Variants in HSPA12B observed in about 807,000 individuals in gnomAD.
HSPA12B encodes the protein heat shock protein family A (Hsp70) member 12B, also known as heat shock 70 kDa protein 12B.
Under a neutral mutation model 69.3 loss-of-function variants are expected in HSPA12B, and 54 were observed. The ratio of observed to expected loss-of-function variants is 0.78; its 90% confidence interval spans 0.63 to 0.98. The LOEUF is 0.98. Ranked by LOEUF, HSPA12B falls within the 50% of genes least tolerant of loss-of-function variation. HSPA12B has a pLI of 0.00. For missense variants in HSPA12B, 929 were observed against 999.8 expected, an observed-to-expected ratio of 0.93 and a Z score of 0.96; for synonymous variants, 441 against 436.5, an observed-to-expected ratio of 1.01 and a Z score of -0.13.
At chr20:3,746,880 G>A (rs1331714938) in intron 7 of HSPA12B, among the ~76,000 whole-genome samples, 1 of 152,200 alleles carries the variant, frequency 6.6e-6, no homozygotes, top group Admixed American at 6.5e-5. Flanking sequence ...TCAGCTGAGG[G>A]CAGTTATCCA....
At position 3,744,886 on chromosome 20, in the gene HSPA12B, C is replaced by T; in HGVS notation, c.267-16C>T. 2 of 1,609,852 alleles carry T rather than the reference C, an allele frequency of 1.2e-6. No homozygotes were observed. Among genetic ancestry groups the T allele is most frequent in the East Asian group, 2.2e-5 (1 of 44,886 alleles). ...CAAGAAGGGAGGGTTGCACTGACTG[C>T]CCTGTGCCTCCGCAGGAAATGGGAG... On this transcript the variant is annotated splice_polypyrimidine_tract_variant and intron_variant, in intron 4 of 12. Coordinates refer to ENST00000254963, the MANE Select transcript of HSPA12B (RefSeq NM_052970.5). The surrounding 1 kb of genome is among the most constrained non-coding windows in gnomAD (Gnocchi z 4.9).
chr20:3,751,451 C>T (rs2088418167), intron 12 of HSPA12B, 60 bp from the exon 13 acceptor site: 13 of 1,362,324 alleles, frequency 9.5e-6, no homozygotes, highest in Non-Finnish European at 1.2e-5. Flanking sequence ...CAGTGGCTCT[C>T]TCTCCCCCGC....
At position 3,742,390 on chromosome 20, in the gene HSPA12B, A is replaced by T; in HGVS notation, c.248A>T (p.Glu83Val). The change falls in exon 4 of 13, where the codon GAG becomes GTG. Residue 83 changes from glutamate to valine, a missense_variant. Physicochemically the swap from Glu to Val is moderately radical, Grantham distance 121. Transcript: ENST00000254963. ...GYAFSFASDP[E>V]AIHMMRKWEG... The stretch of plus-strand genomic sequence containing the variant: ...GCTTTCAGCTTTGCCAGTGACCCTG[A>T]GGCCATCCACATGATGAGGTGAGGT... The T allele has an allele frequency of 6.2e-7, 1 of 1,612,960 alleles. No individual in the cohort carries two copies. Among genetic ancestry groups the T allele is most frequent in the South Asian group, 1.1e-5 (1 of 91,038 alleles).
chr20:3,742,315 CCTT>C lies in HSPA12B; in HGVS notation c.176_178del (p.Phe59del), dbSNP rs1458001958. 6.2e-7 allele frequency: 1 copy of C among 1,614,156 alleles called. No homozygotes were observed. The highest frequency in any genetic ancestry group is 8.5e-7 in the Non-Finnish European group (1 of 1,179,968). ...GAGGTCCGAGCCCCCCAGCAGGCCT[CCTT>C]CTCTGTGGTGGTGGCCATTGACTTC... On this transcript the variant is annotated inframe_deletion, in exon 4 of 13. Coordinates refer to ENST00000254963, the MANE Select transcript of HSPA12B (RefSeq NM_052970.5).
rs1353102444 is a variant in HSPA12B, at chr20:3,740,160, G to T, written c.44-655G>T. On this transcript the variant is annotated intron_variant, in intron 2 of 12. Transcript: ENST00000254963. The surrounding 1 kb of genome is among the most constrained non-coding windows in gnomAD (Gnocchi z 4.9). ...TCAGGGTGTGTGTATGTGTGTGTGT[G>T]GGGGGTGGGAATCAGACTTCCTAAT... 2.7e-5 allele frequency among the ~76,000 whole-genome samples: 4 copies of T among 147,766 alleles called. No homozygotes were observed. Among genetic ancestry groups the T allele is most frequent in the Admixed American group, 2.6e-4 (4 of 15,144 alleles).
chr20:3,734,497 C>G (rs1050319447), intron 1 of HSPA12B, among the ~76,000 whole-genome samples: 1 of 152,326 alleles, frequency 6.6e-6, no homozygotes, highest in African/African-American at 2.4e-5. Context: ...CAATTACTCT[C>G]AAACCCATAG....
intron 4 of HSPA12B, among the ~76,000 whole-genome samples, chr20:3,743,557 T>G (rs2088245004): frequency 6.6e-6 from 1 of 152,180 alleles, no homozygotes; most frequent in South Asian, 2.1e-4. Context: ...TATGTGTTTT[T>G]TTAAGTAAAA....
chr20:3,742,887 T>TTG (rs966095451), intron 4 of HSPA12B, among the ~76,000 whole-genome samples: 7 of 151,562 alleles, frequency 4.6e-5, no homozygotes, highest in African/African-American at 1.7e-4. Flanking sequence ...TTTTTGTTTT[T>TTG]TTTTGAGACG....
At chr20:3,742,148 T>G (rs1364614646) in intron 3 of HSPA12B, 136 bp from the exon 4 acceptor site, 3 of 1,285,204 alleles carry the variant, frequency 2.3e-6, no homozygotes, top group East Asian at 2.6e-5. Flanking sequence ...GCAGGTGGGG[T>G]GGGCCAGGTC....
At chr20:3,735,500 T>C (rs2146550957) in intron 1 of HSPA12B, among the ~76,000 whole-genome samples, 1 of 151,024 alleles carries the variant, frequency 6.6e-6, no homozygotes, top group South Asian at 2.1e-4. Flanking sequence ...GGTCTCACTC[T>C]TCTCGCCCAG....
At position 3,737,968 on chromosome 20, in the gene HSPA12B, A is replaced by G. The variant is rs1481206021; in HGVS notation, c.-17-690A>G. 6.6e-6 allele frequency among the ~76,000 whole-genome samples: 1 copy of G among 152,200 alleles called. No individual in the cohort carries two copies. The highest frequency in any genetic ancestry group is 6.5e-5 in the Admixed American group (1 of 15,280). Reference sequence around the variant, plus strand: ...CAGTGAGCCAAGATCGTGCCACTGCATTCCAGCCTGGGCAACAGAGTGAGA... The same window carrying G: ...CAGTGAGCCAAGATCGTGCCACTGCGTTCCAGCCTGGGCAACAGAGTGAGA... On this transcript the variant is annotated intron_variant, in intron 1 of 12. Coordinates refer to ENST00000254963, the MANE Select transcript of HSPA12B (RefSeq NM_052970.5). The surrounding 1 kb of genome is among the most constrained non-coding windows in gnomAD (Gnocchi z 4.1).
chr20:3,744,075 C>G lies in HSPA12B; in HGVS notation c.267-827C>G, dbSNP rs958300333. On this transcript the variant is annotated intron_variant, in intron 4 of 12. Coordinates refer to ENST00000254963, the MANE Select transcript of HSPA12B (RefSeq NM_052970.5). The surrounding 1 kb of genome is among the most constrained non-coding windows in gnomAD (Gnocchi z 4.9). ...GTCCTCTGAATATGTCCTAGAGGGTCGGCAGGCAGTAGGTGAAGCTACAGG... is the reference window on the plus strand; with the variant it reads ...GTCCTCTGAATATGTCCTAGAGGGTGGGCAGGCAGTAGGTGAAGCTACAGG... Among the ~76,000 whole-genome samples, 1 of 152,102 alleles carries G rather than the reference C, an allele frequency of 6.6e-6. No individual in the cohort carries two copies. Among genetic ancestry groups the G allele is most frequent in the Non-Finnish European group, 1.5e-5 (1 of 68,024 alleles).
chr20:3,745,901 C>A lies in HSPA12B; in HGVS notation c.559-14C>A. 2 of 1,606,282 alleles carry A rather than the reference C, an allele frequency of 1.2e-6. No individual in the cohort carries two copies. The highest frequency in any genetic ancestry group is 1.1e-5 in the South Asian group (1 of 90,940). ...CCAAGCCAGCTTTCCTCTCACTGCCCCCTCCTGTACCAGGAGCTGAGGGAG... is the reference window on the plus strand; with the variant it reads ...CCAAGCCAGCTTTCCTCTCACTGCCACCTCCTGTACCAGGAGCTGAGGGAG... On this transcript the variant is annotated splice_polypyrimidine_tract_variant and intron_variant, in intron 6 of 12. Coordinates refer to ENST00000254963, the MANE Select transcript of HSPA12B (RefSeq NM_052970.5). The surrounding 1 kb of genome is among the most constrained non-coding windows in gnomAD (Gnocchi z 5.6).
Position 3,752,176 on chromosome 20 carries a change from G to A in HSPA12B, c.*10G>A. On this transcript the variant is annotated 3_prime_UTR_variant, in exon 13 of 13. Coordinates refer to ENST00000254963, the MANE Select transcript of HSPA12B (RefSeq NM_052970.5). ...CTTTCTTTCCAACTGAGGGCGCGCC[G>A]GCGCGGTGCCAGCGCCGTCTGCCCG... is the stretch of plus-strand genomic sequence containing the variant. The A allele has an allele frequency of 6.9e-7, 1 of 1,455,840 alleles. No individual in the cohort carries two copies. The highest frequency in any genetic ancestry group is 9.0e-7 in the Non-Finnish European group (1 of 1,112,072). The allele number at this position is 1,455,840 out of a possible 1,614,324, so 90.2% of individuals were successfully genotyped here.
chr20:3,736,005 T>C (rs925775042), intron 1 of HSPA12B, among the ~76,000 whole-genome samples: 1 of 152,214 alleles, frequency 6.6e-6, no homozygotes. Flanking sequence ...CAATCAGCTC[T>C]GGAAGAAGGA....
In HSPA12B at chr20:3,751,526, G is replaced by A; in HGVS notation, c.1421G>A (p.Arg474Gln). The A allele has an allele frequency of 2.1e-6, 3 of 1,446,068 alleles. No individual in the cohort carries two copies. The highest frequency in any genetic ancestry group is 2.7e-6 in the Non-Finnish European group (3 of 1,100,312). The allele number at this position is 1,446,068 out of a possible 1,614,324, so 89.6% of individuals were successfully genotyped here. ...TGTCCCGCAGAGGCCCTGCTGGCAC[G>A]GCCGGAGGTGCAGGGTGTGAAGCTG... ...IIQHIEALLA[R>Q]PEVQGVKLLF... Residue 474 changes from arginine (R) to glutamine (Q), a missense_variant, in exon 13 of 13, where the codon CGG (arginine) becomes CAG (glutamine). Coordinates refer to ENST00000254963, the MANE Select transcript of HSPA12B (RefSeq NM_052970.5).
At chr20:3,746,299 G>GTATTTTT (rs1196019528) in intron 7 of HSPA12B, among the ~76,000 whole-genome samples, 1 of 36,364 alleles carries the variant, frequency 2.7e-5, no homozygotes, top group East Asian at 1.1e-3. Flanking sequence ...AAGATGGAGA[G>GTATTTTT]TCTTTTTTTT....
At chr20:3,750,737 G>A in intron 11 of HSPA12B, 67 bp from the exon 12 acceptor site, 5 of 1,609,860 alleles carry the variant, frequency 3.1e-6, no homozygotes, top group Middle Eastern at 1.7e-4. Flanking sequence ...TAAGGACCAC[G>A]GACCCCAAAC....
At chr20:3,735,949 T>C (rs992523256) in intron 1 of HSPA12B, among the ~76,000 whole-genome samples, 2 of 152,134 alleles carry the variant, frequency 1.3e-5, no homozygotes, top group Admixed American at 6.6e-5. Context: ...GGCTGCCAGC[T>C]CCTCCCTCGA....
Sources: gnomAD v4.1 joint callset for allele counts (sites outside exome capture counted in the v4.1 genomes callset) on GRCh38, gnomAD v4.1.1 for gene constraint, Gnocchi (gnomAD v3.1) non-coding constraint, MANE v1.5 for transcripts, NCBI Gene and HGNC (gene_info 2026-07-23, HGNC 2026-07-21) for gene names.